Variants in PDE10A observed in about 807,000 individuals in gnomAD.
The protein encoded by PDE10A is cAMP and cAMP-inhibited cGMP 3',5'-cyclic phosphodiesterase 10A.
A neutral mutation model predicts 97.7 loss-of-function variants in PDE10A; 39 were observed. The ratio of observed to expected loss-of-function variants is 0.40; its 90% CI spans 0.31 to 0.52. The LOEUF (loss-of-function observed/expected upper bound fraction) is 0.52, where lower values mean the gene tolerates loss of function less well. PDE10A is among the 20% of genes least tolerant of loss of function. The probability of loss-of-function intolerance (pLI) is 0.56; values close to 1 mark genes in which losing one functional copy is unlikely to be tolerated. For synonymous variants in PDE10A, 371 were observed against 376.8 expected, an observed-to-expected ratio of 0.98 and a Z score of 0.18; for missense variants, 731 against 1,047.8, an observed-to-expected ratio of 0.70 and a Z score of 4.17.
chr6:165,383,634 A>G (rs946686474), intron 17 of PDE10A, among the ~76,000 whole-genome samples: 3 of 152,012 alleles, frequency 2.0e-5, no homozygotes, highest in Non-Finnish European at 2.9e-5. Flanking sequence ...TTGTGCCCAT[A>G]TCAACAGCCC....
chr6:165,501,344 G>A (rs746013023), intron 2 of PDE10A, among the ~76,000 whole-genome samples: 1 of 152,108 alleles, frequency 6.6e-6, no homozygotes, highest in Non-Finnish European at 1.5e-5. Context: ...GGCAGATCAC[G>A]AGGTCAGGAG....
intron 21 of PDE10A, 114 bp downstream of exon 21, chr6:165,336,009 C>A: frequency 1.2e-6 from 1 of 852,896 alleles, no homozygotes. Flanking sequence ...AGCACAACAA[C>A]TCGACATCTA....
At chr6:165,355,895 A>G (rs968657429) in intron 18 of PDE10A, among the ~76,000 whole-genome samples, 25 of 152,112 alleles carry the variant, frequency 1.6e-4, no homozygotes, top group African/African-American at 6.0e-4. Context: ...CCATTTTCAC[A>G]CCGCTATAAA....
intron 1 of PDE10A, among the ~76,000 whole-genome samples, chr6:165,702,911 T>A (rs942214671): frequency 6.6e-6 from 1 of 152,214 alleles, no homozygotes; most frequent in Non-Finnish European, 1.5e-5. Context: ...TGGGAAAGGC[T>A]GAACACTGCC....
chr6:165,587,024 T>C (rs1785953769), intron 1 of PDE10A, among the ~76,000 whole-genome samples: 1 of 152,178 alleles, frequency 6.6e-6, no homozygotes, highest in Non-Finnish European at 1.5e-5. Context: ...CATCCATTCA[T>C]GCTCTGGGGG....
intron 3 of PDE10A, among the ~76,000 whole-genome samples, chr6:165,480,458 G>C (rs748607954): frequency 6.6e-6 from 1 of 152,026 alleles, no homozygotes; most frequent in Non-Finnish European, 1.5e-5. Flanking sequence ...TGGTGGCACA[G>C]GCCTGTAGTC....
chr6:165,923,047 T>A (rs1198584989), intron 1 of PDE10A, among the ~76,000 whole-genome samples: 1 of 152,110 alleles, frequency 6.6e-6, no homozygotes, highest in South Asian at 2.1e-4. Context: ...CCCACTGTAA[T>A]GGGTACTATT....
At chr6:165,976,171 T>C (rs1784839660) in intron 1 of PDE10A, among the ~76,000 whole-genome samples, 2 of 152,218 alleles carry the variant, frequency 1.3e-5, no homozygotes, top group Admixed American at 6.5e-5. Context: ...TTGACATTCA[T>C]AATGAAGCTA....
intron 1 of PDE10A, among the ~76,000 whole-genome samples, chr6:165,566,499 T>C (rs1206817739): frequency 6.6e-6 from 1 of 152,196 alleles, no homozygotes; most frequent in East Asian, 1.9e-4. Flanking sequence ...TGGAAGACAG[T>C]TCGGCAGCTC....
chr6:165,427,749 T>G (rs1789268805), intron 10 of PDE10A, among the ~76,000 whole-genome samples: 1 of 152,142 alleles, frequency 6.6e-6, no homozygotes, highest in South Asian at 2.1e-4. Flanking sequence ...AGTGTCAGTC[T>G]ACATTATAAC....
chr6:165,927,900 T>G (rs1488501053), intron 1 of PDE10A, among the ~76,000 whole-genome samples: 5 of 150,496 alleles, frequency 3.3e-5, no homozygotes, highest in Non-Finnish European at 3.0e-5. Flanking sequence ...TTTCACCATA[T>G]TGGCCAGGCT....
chr6:165,806,042 T>A (rs1477210074), intron 1 of PDE10A, among the ~76,000 whole-genome samples: 45 of 73,136 alleles, frequency 6.2e-4, no homozygotes, highest in African/African-American at 2.0e-3. Context: ...GCTTGATTAT[T>A]AAAAAAAAAA....
At chr6:165,353,499 T>A (rs555729520) in intron 18 of PDE10A, among the ~76,000 whole-genome samples, 1 of 152,110 alleles carries the variant, frequency 6.6e-6, no homozygotes, top group Non-Finnish European at 1.5e-5. Flanking sequence ...CTTCAGTAGA[T>A]GAATGGGTAA....
chr6:165,675,469 A>T (rs965559907), intron 1 of PDE10A, among the ~76,000 whole-genome samples: 1 of 152,226 alleles, frequency 6.6e-6, no homozygotes, highest in African/African-American at 2.4e-5. Context: ...AAAATATTAA[A>T]TTCAAATTTT....
intron 1 of PDE10A, among the ~76,000 whole-genome samples, chr6:165,619,368 TGTG>T (rs1221332897): frequency 2.5e-5 from 3 of 119,286 alleles, no homozygotes; most frequent in East Asian, 2.2e-4. Flanking sequence ...TCTAGTGTAG[TGTG>T]GTGTAGTGTA....
chr6:165,857,237 A>C (rs1238481294), intron 1 of PDE10A, among the ~76,000 whole-genome samples: 1 of 152,142 alleles, frequency 6.6e-6, no homozygotes, highest in African/African-American at 2.4e-5. Context: ...ACTCCATCTC[A>C]GTCGGCTAAG....
intron 13 of PDE10A, among the ~76,000 whole-genome samples, chr6:165,398,108 A>T (rs550353774): frequency 6.6e-6 from 1 of 152,212 alleles, no homozygotes; most frequent in Non-Finnish European, 1.5e-5. Flanking sequence ...TTTGGAGATA[A>T]TGATCTAAGG....
intron 1 of PDE10A, among the ~76,000 whole-genome samples, chr6:165,567,681 C>T (rs772302940): frequency 3.7e-4 from 57 of 152,178 alleles, no homozygotes; most frequent in Admixed American, 5.2e-4. Context: ...TATAATTTAT[C>T]GAGTACTTAT....
At chr6:165,435,090 AC>A in intron 6 of PDE10A, 146 bp downstream of exon 6, 3 of 745,536 alleles carry the variant, frequency 4.0e-6, no homozygotes, top group Non-Finnish European at 6.4e-6. Context: ...CAAAAAATTA[AC>A]TTACACATTA....
Sources: gnomAD v4.1 joint callset for allele counts (sites outside exome capture counted in the v4.1 genomes callset) on GRCh38, gnomAD v4.1.1 for gene constraint, MANE v1.5 for transcripts, NCBI Gene and HGNC (gene_info 2026-07-23, HGNC 2026-07-21) for gene names.